Variants in HSF5 observed in about 807,000 individuals in gnomAD.
HSF5 encodes the protein heat shock transcription factor 5.
A neutral mutation model predicts 50.8 loss-of-function variants in HSF5; 5 were observed. The ratio of observed to expected loss-of-function variants is 0.10; its 90% CI spans 0.05 to 0.21. The LOEUF is 0.21. Among genes scored for constraint, HSF5 ranks in the 10% least tolerant of loss-of-function variants. The pLI is 1.00. For synonymous variants in HSF5, 307 were observed against 307.4 expected (o/e 1.00, Z 0.02); for missense variants, 564 against 762.6 (o/e 0.74, Z 3.07).
chr17:58,434,162 C>G (rs369614806), intron 5 of HSF5, among the ~76,000 whole-genome samples: 58 of 152,068 alleles, frequency 3.8e-4, no homozygotes, highest in East Asian at 3.7e-3. Context: ...ATCCACCCGC[C>G]TCAACCTCCC....
chr17:58,444,716 A>C (rs1243780724), intron 5 of HSF5, among the ~76,000 whole-genome samples: 1 of 152,216 alleles, frequency 6.6e-6, no homozygotes, highest in East Asian at 1.9e-4. Flanking sequence ...GGAAAAGAAA[A>C]AACAGCAAAA....
intron 5 of HSF5, 45 bp downstream of exon 5, chr17:58,458,723 C>G: frequency 6.7e-7 from 1 of 1,485,958 alleles, no homozygotes; most frequent in Middle Eastern, 1.8e-4. Context: ...ATTAATTCTA[C>G]AGCGTGATTC....
chr17:58,440,513 T>C (rs893795716), intron 5 of HSF5, among the ~76,000 whole-genome samples: 4 of 152,168 alleles, frequency 2.6e-5, no homozygotes, highest in African/African-American at 9.7e-5. Flanking sequence ...CTTAAATTAT[T>C]TTTACAAGTA....
chr17:58,463,033 G>A lies in HSF5; in HGVS notation c.1291C>T (p.Pro431Ser). 2.5e-6 allele frequency: 4 copies of A among 1,614,190 alleles called. No individual in the cohort carries two copies. The highest frequency in any genetic ancestry group is 1.1e-5 in the South Asian group (1 of 91,082). ...ATATCTGAGCCTACAGGAGTAAGTG[G>A]CTCCAGCTGGCTAGCCTGACTTGCA... ...CSASQASQLE[P>S]LTPVGSDIMS... is the part of the protein sequence containing the mutation. Residue 431 changes from proline to serine, a missense_variant, in exon 4 of 6, where the codon CCA becomes TCA. Physicochemically the swap from Pro to Ser is moderately conservative, Grantham distance 74. Coordinates refer to ENST00000323777, the MANE Select transcript of HSF5 (RefSeq NM_001080439.3).
intron 1 of HSF5, among the ~76,000 whole-genome samples, chr17:58,481,473 A>C (rs1475158216): frequency 6.6e-6 from 1 of 152,250 alleles, no homozygotes; most frequent in African/African-American, 2.4e-5. Context: ...AAGCTAGCCT[A>C]ATTTATTCCT....
intron 2 of HSF5, among the ~76,000 whole-genome samples, chr17:58,471,981 G>A (rs751910875): frequency 9.9e-5 from 15 of 151,882 alleles, no homozygotes; most frequent in Non-Finnish European, 1.9e-4. Context: ...AGCCTCCCAA[G>A]TAGCTGGGAC....
intron 3 of HSF5, among the ~76,000 whole-genome samples, chr17:58,464,369 T>C (rs1468687852): frequency 6.6e-6 from 1 of 152,174 alleles, no homozygotes; most frequent in East Asian, 1.9e-4. Context: ...GTCCAGAAAC[T>C]TCCTAATTTA....
At chr17:58,459,005 GATATTTTA>G in intron 4 of HSF5, 60 bp from the exon 5 acceptor site, 1 of 1,464,696 alleles carries the variant, frequency 6.8e-7, no homozygotes, top group Non-Finnish European at 9.3e-7. Flanking sequence ...TAAAAGTTAA[GATATTTTA>G]TCAGAGGAGT....
chr17:58,434,551 A>C (rs559215093), intron 5 of HSF5, among the ~76,000 whole-genome samples: 1 of 143,948 alleles, frequency 6.9e-6, no homozygotes. Context: ...CTCCATCTCA[A>C]AAAAAAAAAA....
rs1343576126 is a variant in HSF5 at position 58,464,065 on chromosome 17, A to G, written c.1021-762T>C. Among the ~76,000 whole-genome samples, 6 of 146,764 alleles carry G rather than the reference A, an allele frequency of 4.1e-5. No homozygotes were observed. In the East Asian group the frequency reaches 1.2e-3, roughly 30 times the overall value. The stretch of plus-strand genomic sequence containing the variant: ...GGCATTCAATAAATGTTTGCTGATT[A>G]TATCAGATTATAAACTTAAAATACA... On this transcript the variant is annotated intron_variant, in intron 3 of 5. Transcript: ENST00000323777.
chr17:58,433,714 A>C (rs952640928), intron 5 of HSF5, among the ~76,000 whole-genome samples: 1 of 152,138 alleles, frequency 6.6e-6, no homozygotes, highest in African/African-American at 2.4e-5. Flanking sequence ...TAAAATACGG[A>C]CTGATAATTG....
chr17:58,425,413 A>AC (rs1974281941), intron 5 of HSF5, among the ~76,000 whole-genome samples: 1 of 151,548 alleles, frequency 6.6e-6, no homozygotes, highest in African/African-American at 2.4e-5. Context: ...CCTTAAAAAA[A>AC]AAAAAAAAAT....
At chr17:58,429,061 T>C (rs1032066670) in intron 5 of HSF5, among the ~76,000 whole-genome samples, 1 of 152,234 alleles carries the variant, frequency 6.6e-6, no homozygotes, top group Non-Finnish European at 1.5e-5. Flanking sequence ...TCAGCCATAA[T>C]AAGAAATGAA....
chr17:58,442,958 A>G (rs373587727), intron 5 of HSF5, among the ~76,000 whole-genome samples: 3 of 151,710 alleles, frequency 2.0e-5, no homozygotes, highest in African/African-American at 7.2e-5. Flanking sequence ...CCCAGGCTAG[A>G]GTGCAGTGGC....
chr17:58,428,677 A>T (rs1404673450), intron 5 of HSF5, among the ~76,000 whole-genome samples: 1 of 152,090 alleles, frequency 6.6e-6, no homozygotes, highest in East Asian at 1.9e-4. Flanking sequence ...ATAAAAAACC[A>T]CAACGAATTA....
At chr17:58,463,517 C>A (rs1357620346) in intron 3 of HSF5, among the ~76,000 whole-genome samples, 1 of 152,162 alleles carries the variant, frequency 6.6e-6, no homozygotes, top group Non-Finnish European at 1.5e-5. Context: ...AACCACTCTG[C>A]TAAGTTTAAT....
intron 1 of HSF5, 62 bp from the exon 2 acceptor site, chr17:58,480,329 C>G: frequency 1.3e-6 from 2 of 1,488,660 alleles, no homozygotes; most frequent in Non-Finnish European, 1.8e-6. Flanking sequence ...CATAGTAAAC[C>G]AAAGGTCATA....
chr17:58,482,774 T>C (rs1975116794), intron 1 of HSF5, among the ~76,000 whole-genome samples: 1 of 144,250 alleles, frequency 6.9e-6, no homozygotes, highest in Non-Finnish European at 1.5e-5. Flanking sequence ...TGAGATCTTG[T>C]CTTTACAAAA....
At chr17:58,451,829 T>C (rs776209638) in intron 5 of HSF5, among the ~76,000 whole-genome samples, 2 of 146,082 alleles carry the variant, frequency 1.4e-5, no homozygotes, top group African/African-American at 2.5e-5. Flanking sequence ...AGGAAAGAAA[T>C]AGTAAAGATC....
Sources: gnomAD v4.1 joint callset for allele counts (sites outside exome capture counted in the v4.1 genomes callset) on GRCh38, gnomAD v4.1.1 for gene constraint, MANE v1.5 for transcripts, NCBI Gene and HGNC (gene_info 2026-07-23, HGNC 2026-07-21) for gene names.